The following GRIK4 variants were observed in gnomAD, a reference collection of about 807,000 sequenced individuals.
The protein encoded by GRIK4 is glutamate ionotropic receptor kainate type subunit 4, also known as glutamate receptor ionotropic, kainate 4.
Under a neutral mutation model 104.9 loss-of-function variants are expected in GRIK4, and 40 were observed. The ratio of observed to expected loss-of-function variants is 0.38; its 90% CI spans 0.30 to 0.50. GRIK4 has a LOEUF of 0.50. Ranked by LOEUF, GRIK4 falls within the 20% of genes least tolerant of loss-of-function variation. GRIK4 has a pLI of 0.93. For synonymous variants in GRIK4, 485 were observed against 524.9 expected (o/e 0.92, Z 1.04); for missense variants, 1,047 against 1,308.1 (o/e 0.80, Z 3.08).
intron 1 of GRIK4, chr11:120,620,141 T>A (rs1212935150): frequency 1.2e-6 from 1 of 832,646 alleles, no homozygotes; most frequent in Non-Finnish European, 2.1e-6. Context: ...CAACATGGCT[T>A]TATCATGCCT....
intron 8 of GRIK4, among the ~76,000 whole-genome samples, chr11:120,859,943 G>T (rs1954217954): frequency 6.6e-6 from 1 of 152,366 alleles, no homozygotes; most frequent in South Asian, 2.1e-4. Context: ...CTCTGGGTAG[G>T]TGAGCTGAGG....
chr11:120,677,770 CTT>C (rs1950124933), intron 3 of GRIK4, among the ~76,000 whole-genome samples: 1 of 152,168 alleles, frequency 6.6e-6, no homozygotes, highest in East Asian at 1.9e-4. Flanking sequence ...TTTGATATTT[CTT>C]TTGTTGCTGC....
In GRIK4 at chr11:120,960,456, A is replaced by C. The variant is rs551276862; in HGVS notation, c.1875-453A>C. Among the ~76,000 whole-genome samples the C allele has an allele frequency of 3.7e-4, 57 of 152,354 alleles. No homozygotes were observed. The South Asian group carries it at 0.011, about 30-fold the overall frequency. ...GTGAGCTCTAGGGATTAAGTGAGAT[A>C]GTGGATGTAGCTCGTGGTAGCTGCT... On this transcript the variant is annotated intron_variant, in intron 16 of 20. Coordinates refer to ENST00000527524, the MANE Select transcript of GRIK4 (RefSeq NM_014619.5).
At chr11:120,725,130 A>G (rs1951005873) in intron 3 of GRIK4, among the ~76,000 whole-genome samples, 1 of 152,238 alleles carries the variant, frequency 6.6e-6, no homozygotes, top group Admixed American at 6.5e-5. Flanking sequence ...CAGAATAGAA[A>G]AGGGGCCTTA....
At chr11:120,828,900 C>T (rs1308454789) in intron 6 of GRIK4, among the ~76,000 whole-genome samples, 1 of 152,178 alleles carries the variant, frequency 6.6e-6, no homozygotes, top group African/African-American at 2.4e-5. Context: ...GGGGGGCTCT[C>T]TTTCCCTGGG....
chr11:120,921,277 A>G (rs548028321), intron 13 of GRIK4, among the ~76,000 whole-genome samples: 11 of 152,342 alleles, frequency 7.2e-5, no homozygotes, highest in African/African-American at 2.4e-4. Context: ...CAGGAACTAT[A>G]GCTGTCTTCT....
intron 1 of GRIK4, among the ~76,000 whole-genome samples, chr11:120,645,443 C>A (rs1342657627): frequency 6.6e-6 from 1 of 152,214 alleles, no homozygotes; most frequent in Non-Finnish European, 1.5e-5. Flanking sequence ...AATGAATGAA[C>A]AAATGGATGG....
At chr11:120,589,313 C>T (rs1218289320) in intron 1 of GRIK4, among the ~76,000 whole-genome samples, 3 of 152,190 alleles carry the variant, frequency 2.0e-5, no homozygotes, top group Non-Finnish European at 4.4e-5. Context: ...CCAACCATAA[C>T]GCAGTTGGCA....
chr11:120,833,775 T>C (rs1026498134), intron 7 of GRIK4, among the ~76,000 whole-genome samples: 6 of 150,440 alleles, frequency 4.0e-5, no homozygotes, highest in African/African-American at 1.5e-4. Context: ...AATTTTGATG[T>C]CTGTTTTTTT....
chr11:120,957,625 G>GTGTGTGTGTATA (rs375508071), intron 16 of GRIK4, among the ~76,000 whole-genome samples: 174 of 144,630 alleles, frequency 1.2e-3, no homozygotes, highest in African/African-American at 4.3e-3. Context: ...GTGTGTGTGT[G>GTGTGTGTGTATA]TAGCCTAGAG....
intron 3 of GRIK4, among the ~76,000 whole-genome samples, chr11:120,669,148 C>T (rs916291303): frequency 6.6e-6 from 1 of 152,180 alleles, no homozygotes; most frequent in Non-Finnish European, 1.5e-5. Context: ...CCTTCCAAAG[C>T]GTGGGTGTGT....
rs866412667 is a variant in GRIK4, at chr11:120,727,590, A to G, written c.82+67190A>G. On this transcript the variant is annotated intron_variant, in intron 3 of 20. Transcript: ENST00000527524. ...GTAACATCCTGCTGAGCATGAAAGCACACCAGAAACTCATGCTCAGAAAAG... is the reference window on the plus strand; with the variant it reads ...GTAACATCCTGCTGAGCATGAAAGCGCACCAGAAACTCATGCTCAGAAAAG... Among the ~76,000 whole-genome samples the G allele has an allele frequency of 2.7e-4, 41 of 152,276 alleles. No individual in the cohort carries two copies. The Middle Eastern group carries it at 0.014, about 51-fold the overall frequency.
intron 3 of GRIK4, among the ~76,000 whole-genome samples, chr11:120,665,248 G>A (rs775335438): frequency 3.3e-5 from 5 of 151,356 alleles, no homozygotes; most frequent in Non-Finnish European, 7.4e-5. Flanking sequence ...ATTCACCATG[G>A]GTTTGTTTGA....
At chr11:120,596,202 A>G (rs1356707455) in intron 1 of GRIK4, among the ~76,000 whole-genome samples, 2 of 152,250 alleles carry the variant, frequency 1.3e-5, no homozygotes, top group South Asian at 4.1e-4. Flanking sequence ...TAGGTGCTCA[A>G]AAAGTATTTG....
At chr11:120,589,965 G>A (rs1948715054) in intron 1 of GRIK4, among the ~76,000 whole-genome samples, 1 of 152,094 alleles carries the variant, frequency 6.6e-6, no homozygotes, top group South Asian at 2.1e-4. Flanking sequence ...AGGGTTGCAG[G>A]GTAACACAGC....
intron 7 of GRIK4, among the ~76,000 whole-genome samples, chr11:120,833,827 T>C (rs555548867): frequency 1.3e-4 from 20 of 152,370 alleles, no homozygotes; most frequent in Non-Finnish European, 2.4e-4. Context: ...ATTGTCATAC[T>C]GCACAAACTT....
intron 3 of GRIK4, among the ~76,000 whole-genome samples, chr11:120,790,131 G>A (rs548202096): frequency 2.6e-5 from 4 of 152,128 alleles, no homozygotes; most frequent in Non-Finnish European, 5.9e-5. Context: ...ATCACTTACC[G>A]TATCAGGTTG....
chr11:120,682,934 C>T (rs903723115), intron 3 of GRIK4, among the ~76,000 whole-genome samples: 3 of 152,088 alleles, frequency 2.0e-5, no homozygotes, highest in African/African-American at 4.8e-5. Context: ...AATGCTTACT[C>T]GTTCTCTAAA....
At chr11:120,860,843 C>A (rs1954244260) in intron 8 of GRIK4, among the ~76,000 whole-genome samples, 1 of 152,156 alleles carries the variant, frequency 6.6e-6, no homozygotes, top group Admixed American at 6.5e-5. Context: ...GACAGTTCCC[C>A]TGGGTCCCAT....
Sources: allele counts gnomAD v4.1 joint callset (sites outside exome capture counted in the v4.1 genomes callset), GRCh38; gene constraint gnomAD v4.1.1; transcripts MANE v1.5; gene names NCBI Gene and HGNC (gene_info 2026-07-23, HGNC 2026-07-21).